Variants in VWA3B observed in about 807,000 individuals in gnomAD.
VWA3B encodes von Willebrand factor A domain-containing protein 3B.
Under a neutral mutation model 158.3 loss-of-function variants are expected in VWA3B, and 138 were observed. The observed-to-expected ratio is 0.87, with a 90% confidence interval of 0.76 to 1.00. VWA3B has a LOEUF of 1.00. Among genes scored for constraint, VWA3B ranks in the 50% least tolerant of loss-of-function variants. The pLI, the probability that VWA3B is intolerant of heterozygous loss-of-function variation, is 0.00. For synonymous variants in VWA3B, 596 were observed against 587.3 expected (o/e 1.01, Z -0.21); for missense variants, 1,555 against 1,565.1 (o/e 0.99, Z 0.11).
intron 19 of VWA3B, among the ~76,000 whole-genome samples, chr2:98,243,206 C>A (rs1477945911): frequency 6.6e-6 from 1 of 152,068 alleles, no homozygotes. Context: ...AACATTGTTC[C>A]ATGCTGGCAT....
intron 12 of VWA3B, among the ~76,000 whole-genome samples, chr2:98,195,456 A>G (rs189005003): frequency 6.6e-6 from 1 of 152,264 alleles, no homozygotes. Context: ...GTTCTATAAG[A>G]AATAATAATG....
intron 19 of VWA3B, among the ~76,000 whole-genome samples, chr2:98,247,830 T>G (rs1686498968): frequency 6.6e-6 from 1 of 152,110 alleles, no homozygotes; most frequent in Admixed American, 6.5e-5. Flanking sequence ...AAAACTCAGC[T>G]ATTATGATTA....
At chr2:98,193,688 C>T (rs575657088) in intron 11 of VWA3B, among the ~76,000 whole-genome samples, 3 of 152,052 alleles carry the variant, frequency 2.0e-5, no homozygotes, top group Non-Finnish European at 4.4e-5. Flanking sequence ...CTCCGCCTCC[C>T]GGGTTCACGC....
chr2:98,215,785 G>C (rs1010877821), intron 13 of VWA3B, among the ~76,000 whole-genome samples: 6 of 152,190 alleles, frequency 3.9e-5, no homozygotes, highest in Admixed American at 6.5e-5. Context: ...CAAAGTGCTG[G>C]GATTAAAGGT....
In VWA3B at chr2:98,154,622, G is replaced by A. The variant is rs1368831941; in HGVS notation, c.989-8229G>A. Among the ~76,000 whole-genome samples the A allele has an allele frequency of 4.6e-5, 7 of 152,158 alleles. No individual in the cohort carries two copies. The South Asian group carries it at 1.0e-3, about 23-fold the overall frequency. On this transcript the variant is annotated intron_variant, in intron 7 of 27. Coordinates refer to ENST00000477737, the MANE Select transcript of VWA3B (RefSeq NM_144992.5). ...AGCCCTCTTGACACTGGGCAGGGGTGGGCTCAGCCCAGGGCTTGGGTCAGC... is the reference window on the plus strand; with the variant it reads ...AGCCCTCTTGACACTGGGCAGGGGTAGGCTCAGCCCAGGGCTTGGGTCAGC...
intron 14 of VWA3B, 74 bp from the exon 15 acceptor site, chr2:98,228,128 A>G (rs1685060166): frequency 6.7e-7 from 1 of 1,484,592 alleles, no homozygotes; most frequent in Non-Finnish European, 9.0e-7. Context: ...TGTCTCTAAA[A>G]AGAAAAGAAA....
intron 7 of VWA3B, among the ~76,000 whole-genome samples, chr2:98,158,863 C>T (rs1236323277): frequency 1.3e-5 from 2 of 152,120 alleles, no homozygotes; most frequent in Admixed American, 6.5e-5. Flanking sequence ...GTCATGGGAG[C>T]TTTGAACCCT....
At chr2:98,094,793 T>G (rs1426464218) in intron 2 of VWA3B, among the ~76,000 whole-genome samples, 2 of 152,204 alleles carry the variant, frequency 1.3e-5, no homozygotes, top group Non-Finnish European at 2.9e-5. Flanking sequence ...GAGTTGATTT[T>G]TGTATATGGT....
intron 5 of VWA3B, among the ~76,000 whole-genome samples, chr2:98,124,077 T>C (rs1358249186): frequency 1.3e-5 from 2 of 152,232 alleles, no homozygotes; most frequent in African/African-American, 4.8e-5. Context: ...TAAAGAACCT[T>C]CACTGCTGGA....
intron 23 of VWA3B, 46 bp from the exon 24 acceptor site, chr2:98,297,861 G>A: frequency 6.9e-7 from 1 of 1,448,120 alleles, no homozygotes; most frequent in East Asian, 2.6e-5. Context: ...TAAGGGAAGG[G>A]ATGTTATTTG....
intron 19 of VWA3B, among the ~76,000 whole-genome samples, chr2:98,244,718 G>A (rs906360986): frequency 1.3e-5 from 2 of 152,190 alleles, no homozygotes; most frequent in South Asian, 4.1e-4. Flanking sequence ...TTTATGAAGA[G>A]GAAAGACACA....
chr2:98,215,355 G>A (rs982012146), intron 13 of VWA3B, among the ~76,000 whole-genome samples: 14 of 150,134 alleles, frequency 9.3e-5, no homozygotes, highest in African/African-American at 3.2e-4. Flanking sequence ...GCAGAAGAAT[G>A]GTGTGAACCC....
At chr2:98,120,700 CT>C (rs528929342) in intron 4 of VWA3B, among the ~76,000 whole-genome samples, 2 of 152,146 alleles carry the variant, frequency 1.3e-5, no homozygotes, top group Non-Finnish European at 1.5e-5. Context: ...AATGGCTCTT[CT>C]TTTTTTGGAA....
chr2:98,150,516 CT>C (rs779544572), intron 7 of VWA3B, among the ~76,000 whole-genome samples: 1 of 152,216 alleles, frequency 6.6e-6, no homozygotes, highest in Non-Finnish European at 1.5e-5. Flanking sequence ...CCTCTGAGCA[CT>C]TGTGCAGAGG....
At chr2:98,288,996 A>C (rs1689331084) in intron 22 of VWA3B, among the ~76,000 whole-genome samples, 1 of 152,184 alleles carries the variant, frequency 6.6e-6, no homozygotes, top group South Asian at 2.1e-4. Flanking sequence ...GAACACAAAA[A>C]AGTATTTGTA....
At chr2:98,171,373 G>A (rs1031688053) in intron 8 of VWA3B, among the ~76,000 whole-genome samples, 4 of 152,172 alleles carry the variant, frequency 2.6e-5, no homozygotes, top group East Asian at 1.9e-4. Flanking sequence ...ACTTTGGAGC[G>A]TGTATCTGAG....
intron 2 of VWA3B, among the ~76,000 whole-genome samples, chr2:98,096,510 C>G (rs986323915): frequency 6.6e-6 from 1 of 152,114 alleles, no homozygotes; most frequent in African/African-American, 2.4e-5. Context: ...CTCAGCTGAT[C>G]CACCTGCCTC....
At chr2:98,311,125 A>G (rs1690864371) in intron 26 of VWA3B, among the ~76,000 whole-genome samples, 1 of 152,200 alleles carries the variant, frequency 6.6e-6, no homozygotes, top group South Asian at 2.1e-4. Flanking sequence ...AAGGTTTAAC[A>G]TTAGGCAGTG....
In VWA3B at chr2:98,234,705, G is replaced by A; in HGVS notation, c.2366G>A (p.Cys789Tyr). 6.2e-7 allele frequency: 1 copy of A among 1,614,212 alleles called. No homozygotes were observed. The highest frequency in any genetic ancestry group is 1.7e-5 in the Admixed American group (1 of 60,028). Residue 789 changes from cysteine to tyrosine, a missense_variant, in exon 17 of 28, where the codon TGC becomes TAC. Transcript: ENST00000477737. Reference sequence around the variant, plus strand: ...ATGTCCTCCCTCAGGAGCTCAGCTTGCAGTGAAAGGAAGGATGGCCTCTCC... The same window carrying A: ...ATGTCCTCCCTCAGGAGCTCAGCTTACAGTGAAAGGAAGGATGGCCTCTCC... ...SQMSSLRSSA[C>Y]SERKDGLSNA...
Sources: allele counts gnomAD v4.1 joint callset (sites outside exome capture counted in the v4.1 genomes callset), GRCh38; gene constraint gnomAD v4.1.1; transcripts MANE v1.5; gene names NCBI Gene and HGNC (gene_info 2026-07-23, HGNC 2026-07-21).